Variants in TBC1D19 observed in about 807,000 individuals in gnomAD.
TBC1D19 encodes TBC1 domain family member 19.
In TBC1D19, 60 loss-of-function variants were observed where a neutral mutation model predicts 89.0. The ratio of observed to expected loss-of-function variants is 0.67; its 90% CI spans 0.55 to 0.84. The LOEUF (loss-of-function observed/expected upper bound fraction) is 0.84. Among genes scored for constraint, TBC1D19 ranks in the 40% least tolerant of loss-of-function variants. The pLI is 0.00. For missense variants in TBC1D19, 500 were observed against 610.8 expected, an observed-to-expected ratio of 0.82 and a Z score of 1.91; for synonymous variants, 189 against 199.7, an observed-to-expected ratio of 0.95 and a Z score of 0.45.
intron 13 of TBC1D19, among the ~76,000 whole-genome samples, chr4:26,710,408 C>A (rs564204524): frequency 2.6e-4 from 40 of 152,300 alleles, no homozygotes; most frequent in African/African-American, 9.6e-4. Flanking sequence ...GTATGTGCCA[C>A]ATTTTCTTAA....
rs183581569 is a variant in TBC1D19, at chr4:26,644,611, A to C, written c.480+4424A>C. 1.8e-3 allele frequency among the ~76,000 whole-genome samples: 281 copies of C among 152,342 alleles called. 1 individual carries two copies. Among genetic ancestry groups the C allele is most frequent in the African/African-American group, 6.5e-3 (271 of 41,576 alleles). Reference sequence around the variant, plus strand: ...GAGAAAGAAATAAAGGTTTTCAATTAGGAAAAGAGGAAGTCAAACTGTCCC... The same window carrying C: ...GAGAAAGAAATAAAGGTTTTCAATTCGGAAAAGAGGAAGTCAAACTGTCCC... On this transcript the variant is annotated intron_variant, in intron 7 of 20. Transcript: ENST00000264866.
At chr4:26,635,314 G>A (rs1340091071) in intron 4 of TBC1D19, among the ~76,000 whole-genome samples, 1 of 152,004 alleles carries the variant, frequency 6.6e-6, no homozygotes, top group Non-Finnish European at 1.5e-5. Flanking sequence ...TAAATAAGGT[G>A]GGTGTAAAGA....
intron 7 of TBC1D19, among the ~76,000 whole-genome samples, chr4:26,654,138 A>C (rs1192011589): frequency 1.3e-5 from 2 of 152,148 alleles, no homozygotes; most frequent in Admixed American, 1.3e-4. Flanking sequence ...TACAAAGCTT[A>C]GTTTGTCTGG....
At chr4:26,802,883 A>G in the TBC1D19 span, among the ~76,000 whole-genome samples, 1 of 152,230 alleles carries the variant, frequency 6.6e-6, no homozygotes, top group Non-Finnish European at 1.5e-5. Flanking sequence ...TCAAGGTGCC[A>G]GCTGATTAGG....
chr4:26,823,406 G>C, the TBC1D19 span, among the ~76,000 whole-genome samples: 1 of 152,166 alleles, frequency 6.6e-6, no homozygotes, highest in Non-Finnish European at 1.5e-5. Context: ...GTCAGGGATG[G>C]GTTTGTGATA....
chr4:26,656,272 T>G (rs1237420462), intron 7 of TBC1D19, among the ~76,000 whole-genome samples: 1 of 152,084 alleles, frequency 6.6e-6, no homozygotes, highest in Non-Finnish European at 1.5e-5. Context: ...ACTACTATAC[T>G]TTTAAAATAA....
intron 1 of TBC1D19, among the ~76,000 whole-genome samples, chr4:26,597,580 T>C (rs1192014186): frequency 6.1e-5 from 9 of 148,124 alleles, no homozygotes; most frequent in South Asian, 2.3e-4. Context: ...GGCCAGGCAG[T>C]CTGGAACTCC....
intron 17 of TBC1D19, among the ~76,000 whole-genome samples, chr4:26,741,456 A>G (rs766985380): frequency 1.5e-4 from 22 of 149,062 alleles, no homozygotes; most frequent in Non-Finnish European, 2.8e-4. Flanking sequence ...ATGCCATTTT[A>G]TGCTTCAGAG....
At chr4:26,615,586 ATT>A (rs960705130) in intron 3 of TBC1D19, among the ~76,000 whole-genome samples, 3 of 152,104 alleles carry the variant, frequency 2.0e-5, no homozygotes, top group African/African-American at 7.2e-5. Flanking sequence ...GCTTACCAGA[ATT>A]GTTTCTAAAA....
chr4:26,826,093 A>G, the TBC1D19 span, among the ~76,000 whole-genome samples: 1 of 152,094 alleles, frequency 6.6e-6, no homozygotes, highest in African/African-American at 2.4e-5. Context: ...TCCCAGCTAC[A>G]CAGGAGGCTG....
chr4:26,770,177 A>T, the TBC1D19 span, among the ~76,000 whole-genome samples: 86 of 152,278 alleles, frequency 5.6e-4, 2 homozygotes, highest in Admixed American at 5.2e-3. Flanking sequence ...AGACTGGATT[A>T]AAAAAGATGA....
chr4:26,749,587 C>T (rs1718841183), intron 19 of TBC1D19, among the ~76,000 whole-genome samples: 1 of 151,720 alleles, frequency 6.6e-6, no homozygotes, highest in Non-Finnish European at 1.5e-5. Flanking sequence ...GCTGAGATTA[C>T]AGGCGCCTGC....
chr4:26,759,918 A>G (rs1719403984), downstream of TBC1D19, among the ~76,000 whole-genome samples: 1 of 152,214 alleles, frequency 6.6e-6, no homozygotes, highest in Non-Finnish European at 1.5e-5. Context: ...TACTATAAAC[A>G]TTTGTGCACA....
At chr4:26,642,995 A>G (rs1005622156) in intron 7 of TBC1D19, among the ~76,000 whole-genome samples, 1 of 152,118 alleles carries the variant, frequency 6.6e-6, no homozygotes, top group African/African-American at 2.4e-5. Flanking sequence ...TTAACACCCC[A>G]CTGTCAATAT....
At chr4:26,843,548 T>C in the TBC1D19 span, among the ~76,000 whole-genome samples, 1 of 151,584 alleles carries the variant, frequency 6.6e-6, no homozygotes, top group Admixed American at 6.6e-5. Context: ...AAATATGACA[T>C]CCGAGATAAA....
At chr4:26,602,720 G>A (rs573962923) in intron 1 of TBC1D19, among the ~76,000 whole-genome samples, 6 of 151,612 alleles carry the variant, frequency 4.0e-5, no homozygotes, top group East Asian at 3.9e-4. Flanking sequence ...GATTACAGGC[G>A]TGAGCCACCA....
intron 1 of TBC1D19, among the ~76,000 whole-genome samples, chr4:26,604,444 G>A (rs902039355): frequency 5.9e-5 from 9 of 151,400 alleles, no homozygotes; most frequent in Admixed American, 2.0e-4. Context: ...GAGCCATCGC[G>A]CCCGGCCAGA....
At chr4:26,611,180 C>T (rs914280483) in intron 1 of TBC1D19, among the ~76,000 whole-genome samples, 4 of 152,048 alleles carry the variant, frequency 2.6e-5, no homozygotes, top group Non-Finnish European at 5.9e-5. Context: ...TTTTGATTTG[C>T]ATTTCTTTAG....
At chr4:26,695,399 T>C (rs1168396284) in intron 13 of TBC1D19, among the ~76,000 whole-genome samples, 1 of 152,158 alleles carries the variant, frequency 6.6e-6, no homozygotes, top group Admixed American at 6.5e-5. Flanking sequence ...TACCTGAAAG[T>C]GATGGGGAGA....
Sources: gnomAD v4.1 joint callset for allele counts (sites outside exome capture counted in the v4.1 genomes callset) on GRCh38, gnomAD v4.1.1 for gene constraint, MANE v1.5 for transcripts, NCBI Gene and HGNC (gene_info 2026-07-23, HGNC 2026-07-21) for gene names.